Variants in AHDC1 observed in about 807,000 individuals in gnomAD.
AHDC1 encodes the protein transcription factor Gibbin.
A neutral mutation model predicts 87.9 loss-of-function variants in AHDC1; 7 were observed. The observed-to-expected ratio is 0.08, with a 90% CI of 0.05 to 0.15. The LOEUF (loss-of-function observed/expected upper bound fraction) is 0.15. AHDC1 is among the 10% of genes least tolerant of loss of function. The pLI, the probability that AHDC1 is intolerant of heterozygous loss-of-function variation, is 1.00. For synonymous variants in AHDC1, 1,051 were observed against 1,006.8 expected, an observed-to-expected ratio of 1.04 and a Z score of -0.83; for missense variants, 1,841 against 2,253.2, an observed-to-expected ratio of 0.82 and a Z score of 3.70.
rs1294179265 is a variant in AHDC1 at position 27,561,244 on chromosome 1, C to G, written c.-628-2361G>C. Among the ~76,000 whole-genome samples the G allele has an allele frequency of 6.6e-6, 1 of 152,190 alleles. No homozygotes were observed. Among genetic ancestry groups the G allele is most frequent in the South Asian group, 2.1e-4 (1 of 4,832 alleles). On this transcript the variant is annotated intron_variant, in intron 3 of 8. Coordinates refer to ENST00000673934, the MANE Select transcript of AHDC1 (RefSeq NM_001371928.1). The surrounding 1 kb of genome is among the most constrained non-coding windows in gnomAD (Gnocchi z 4.2). ...CAGTGGGGGTAGATTGGCTGCCCCCCATTCAGGCCCCCACAGCTCGGCTCA... is the reference window on the plus strand; with the variant it reads ...CAGTGGGGGTAGATTGGCTGCCCCCGATTCAGGCCCCCACAGCTCGGCTCA...
chr1:27,600,277 G>A (rs535085434), intron 3 of AHDC1, among the ~76,000 whole-genome samples: 4 of 151,750 alleles, frequency 2.6e-5, no homozygotes, highest in Admixed American at 6.5e-5. Context: ...CCTGGCTTCC[G>A]CCTCCCCACT....
At chr1:27,583,474 G>A (rs1420694425) in intron 3 of AHDC1, among the ~76,000 whole-genome samples, 2 of 152,164 alleles carry the variant, frequency 1.3e-5, no homozygotes, top group Non-Finnish European at 2.9e-5. Context: ...TTATTGCTGA[G>A]AAAACCCACT....
intron 3 of AHDC1, among the ~76,000 whole-genome samples, chr1:27,571,272 G>C (rs2020554846): frequency 6.6e-6 from 1 of 152,192 alleles, no homozygotes; most frequent in Non-Finnish European, 1.5e-5. Flanking sequence ...AGTGCTGAGG[G>C]TGGAGAAGGA....
At position 27,548,949 on chromosome 1, in the gene AHDC1, C is replaced by G. The variant is rs771311190; in HGVS notation, c.3167G>C (p.Cys1056Ser). 6.3e-7 allele frequency: 1 copy of G among 1,584,432 alleles called. No homozygotes were observed. The highest frequency in any genetic ancestry group is 8.6e-7 in the Non-Finnish European group (1 of 1,163,872). ...FSGSAPTPLR[C>S]DSRASTVSPG... The stretch of plus-strand genomic sequence containing the variant: ...CGAGACTGTGCTGGCCCGGCTGTCA[C>G]AGCGCAGGGGCGTGGGGGCTGAACC... Residue 1056 changes from cysteine (C) to serine (S), a missense_variant, in exon 8 of 9, where the codon TGT becomes TCT. Coordinates refer to ENST00000673934, the MANE Select transcript of AHDC1 (RefSeq NM_001371928.1).
Position 27,550,151 on chromosome 1 carries a change from G to A in AHDC1, c.1965C>T (p.Ile655=). The change falls in exon 8 of 9, where the codon ATC becomes ATT. Residue 655 remains isoleucine (I), a synonymous_variant. Coordinates refer to ENST00000673934, the MANE Select transcript of AHDC1 (RefSeq NM_001371928.1). ...SVHQAPDTQS[I]SHFLHRVQGF... ...CCTGCACACGATGCAGGAAGTGGGA[G>A]ATGCTCTGGGTGTCGGGGGCCTGGT... The A allele has an allele frequency of 6.2e-7, 1 of 1,611,130 alleles. No individual in the cohort carries two copies. The highest frequency in any genetic ancestry group is 2.2e-5 in the East Asian group (1 of 44,882).
intron 8 of AHDC1, among the ~76,000 whole-genome samples, chr1:27,539,216 C>T (rs1360874783): frequency 6.6e-6 from 1 of 151,052 alleles, no homozygotes; most frequent in Admixed American, 6.6e-5. Flanking sequence ...CGAGGGTCAC[C>T]GCAGCCTCAA....
At chr1:27,543,584 T>C (rs566990387) in intron 8 of AHDC1, among the ~76,000 whole-genome samples, 2 of 152,292 alleles carry the variant, frequency 1.3e-5, no homozygotes, top group African/African-American at 2.4e-5. Flanking sequence ...TTCTTGAAGG[T>C]TGAGCTCCAG....
In AHDC1 at chr1:27,547,628, C is replaced by T; in HGVS notation, c.4488G>A (p.Glu1496=). 6.2e-7 allele frequency: 1 copy of T among 1,600,034 alleles called. No individual in the cohort carries two copies. The highest frequency in any genetic ancestry group is 8.5e-7 in the Non-Finnish European group (1 of 1,174,188). The change falls in exon 8 of 9, where the codon GAG becomes GAA. Residue 1496 remains glutamate, a synonymous_variant. Coordinates refer to ENST00000673934, the MANE Select transcript of AHDC1 (RefSeq NM_001371928.1). This position sits in a 1 kb window ranked among gnomAD's most constrained non-coding sequence, Gnocchi z 4.9. The stretch of plus-strand genomic sequence containing the variant: ...GGTGAGGGGCACTGAGGCACGCGGC[C>T]TCCGTCCTGCCCAGGAAGTCAGCCA... ...GLLADFLGRT[E]AACLSAPHLA...
In AHDC1 at chr1:27,548,664, T is replaced by C. The variant is rs2019330216; in HGVS notation, c.3452A>G (p.Gln1151Arg). 1.9e-6 allele frequency: 3 copies of C among 1,613,458 alleles called. No individual in the cohort carries two copies. The highest frequency in any genetic ancestry group is 2.5e-6 in the Non-Finnish European group (3 of 1,180,048). The change falls in exon 8 of 9, where the codon CAG (glutamine) becomes CGG (arginine). Residue 1151 changes from glutamine (Q) to arginine (R), a missense_variant. Transcript: ENST00000673934. ...CACAGCCGTCTGCTGCTTCACCTTC[T>C]GCGGTGTGTAGTTGGAGATGTCCAG... The part of the protein sequence containing the change: ...VILDISNYTP[Q>R]KVKQQTAVSE...
At chr1:27,591,886 A>G (rs910679587) in intron 3 of AHDC1, among the ~76,000 whole-genome samples, 3 of 152,192 alleles carry the variant, frequency 2.0e-5, no homozygotes, top group African/African-American at 4.8e-5. Context: ...CTGACACATA[A>G]TAAGTGCTTG....
intron 8 of AHDC1, among the ~76,000 whole-genome samples, chr1:27,539,254 C>T (rs2018797488): frequency 1.3e-5 from 2 of 151,836 alleles, no homozygotes; most frequent in Non-Finnish European, 2.9e-5. Flanking sequence ...ATCTTCCCAC[C>T]TCAGCCTCCT....
At chr1:27,589,127 G>T (rs917165274) in intron 3 of AHDC1, among the ~76,000 whole-genome samples, 1 of 151,974 alleles carries the variant, frequency 6.6e-6, no homozygotes, top group African/African-American at 2.4e-5. Context: ...CTGGGCCCAG[G>T]GTGGGGGGTT....
chr1:27,548,341 C>G lies in AHDC1; in HGVS notation c.3775G>C (p.Gly1259Arg). The change falls in exon 8 of 9, where the codon GGC (glycine) becomes CGC (arginine). Residue 1259 changes from glycine to arginine, a missense_variant. Gly to Arg is a moderately radical substitution (Grantham distance 125). Around this residue, in one of 13 missense-constraint regions of AHDC1, gnomAD observed 505 missense variants for 626.2 expected, o/e 0.81. Transcript: ENST00000673934. ...FPTSASAAAS[G>R]YPSKRSTGPR... is the part of the protein sequence containing the mutation. ...CCAGTGCTCCGTTTGGATGGGTAGC[C>G]TGAGGCAGCGGCAGAGGCGGATGTC... 1.9e-6 allele frequency: 3 copies of G among 1,606,544 alleles called. No individual in the cohort carries two copies. The highest frequency in any genetic ancestry group is 2.6e-6 in the Non-Finnish European group (3 of 1,174,842).
At chr1:27,586,489 C>T (rs1263147764) in intron 3 of AHDC1, among the ~76,000 whole-genome samples, 1 of 152,092 alleles carries the variant, frequency 6.6e-6, no homozygotes, top group Non-Finnish European at 1.5e-5. Flanking sequence ...GGCGATTACC[C>T]GTCATTAATT....
Position 27,552,061 on chromosome 1 carries a change from G to A in AHDC1, c.55C>T (p.Pro19Ser). 6 of 1,501,976 alleles carry A rather than the reference G, an allele frequency of 4.0e-6. No individual in the cohort carries two copies. The highest frequency in any genetic ancestry group is 5.3e-6 in the Non-Finnish European group (6 of 1,125,942). 93.0% of individuals were successfully genotyped at this position (1,501,976 alleles called of 1,614,324 possible). ...TACTTGGGTTCCCGGAGGTAGTCAGGAGAGCTGCACACGGCACTGGAAGTC... is the reference window on the plus strand; with the variant it reads ...TACTTGGGTTCCCGGAGGTAGTCAGAAGAGCTGCACACGGCACTGGAAGTC... ...VVTSSAVCSS[P>S]DYLREPKYYP... The change falls in exon 8 of 9, where the codon CCT becomes TCT. Residue 19 changes from proline to serine, a missense_variant. By Grantham distance (74) the Pro-to-Ser change is moderately conservative (BLOSUM62 -1). Coordinates refer to ENST00000673934, the MANE Select transcript of AHDC1 (RefSeq NM_001371928.1).
Position 27,551,182 on chromosome 1 carries a change from G to A in AHDC1, c.934C>T (p.Leu312=). The A allele has an allele frequency of 6.2e-7, 1 of 1,610,036 alleles. No individual in the cohort carries two copies. The highest frequency in any genetic ancestry group is 8.5e-7 in the Non-Finnish European group (1 of 1,179,096). Residue 312 remains leucine (L), a synonymous_variant, in exon 8 of 9, where the codon CTG becomes TTG. Coordinates refer to ENST00000673934, the MANE Select transcript of AHDC1 (RefSeq NM_001371928.1). ...PLADPLGLPG[L]ALQALDTLPD... ...AGGGTGTCCAGGGCCTGGAGAGCCA[G>A]GCCCGGCAGCCCCAGAGGATCAGCA...
chr1:27,589,130 G>A (rs575371020), intron 3 of AHDC1, among the ~76,000 whole-genome samples: 1 of 152,022 alleles, frequency 6.6e-6, no homozygotes, highest in Non-Finnish European at 1.5e-5. Flanking sequence ...GGCCCAGGGT[G>A]GGGGGTTCTG....
In AHDC1 at chr1:27,548,611, C is replaced by A. The variant is rs527461367; in HGVS notation, c.3505G>T (p.Asp1169Tyr). The A allele has an allele frequency of 6.2e-7, 1 of 1,613,558 alleles. No homozygotes were observed. ...VSETFSESSS[D>Y]STQFNQPVGG... ...ACCGGCTGATTGAACTGGGTGCTGT[C>A]GGAGGATGACTCAGAGAAGGTCTCC... The change falls in exon 8 of 9, where the codon GAC becomes TAC. Residue 1169 changes from aspartate (D) to tyrosine (Y), a missense_variant. Around this residue, in one of 13 missense-constraint regions of AHDC1, gnomAD observed 505 missense variants for 626.2 expected, o/e 0.81. Coordinates refer to ENST00000673934, the MANE Select transcript of AHDC1 (RefSeq NM_001371928.1).
chr1:27,567,459 A>T (rs1382476379), intron 3 of AHDC1, among the ~76,000 whole-genome samples: 1 of 152,136 alleles, frequency 6.6e-6, no homozygotes, highest in East Asian at 1.9e-4. Context: ...AATTGTCTGA[A>T]GGAACAGGCT....
Sources: allele counts gnomAD v4.1 joint callset (sites outside exome capture counted in the v4.1 genomes callset), GRCh38; gene constraint gnomAD v4.1.1; regional missense constraint gnomAD v4.1.1; non-coding constraint Gnocchi (gnomAD v3.1); transcripts MANE v1.5; gene names NCBI Gene and HGNC (gene_info 2026-07-23, HGNC 2026-07-21).